Variants in RUBCNL observed in about 807,000 individuals in gnomAD.
The protein encoded by RUBCNL is rubicon like autophagy enhancer.
In RUBCNL, 62 loss-of-function variants were observed where a neutral mutation model predicts 69.5. The ratio of observed to expected loss-of-function variants is 0.89; its 90% CI spans 0.73 to 1.10. RUBCNL has a LOEUF of 1.10. RUBCNL is among the 50% of genes least tolerant of loss of function. The pLI, the probability that RUBCNL is intolerant of heterozygous loss-of-function variation, is 0.00. For missense variants in RUBCNL, 768 were observed against 798.1 expected, an observed-to-expected ratio of 0.96 and a Z score of 0.45; for synonymous variants, 291 against 303.6, an observed-to-expected ratio of 0.96 and a Z score of 0.43.
At chr13:46,346,390 G>T (rs1239947547) in intron 12 of RUBCNL, among the ~76,000 whole-genome samples, 1 of 151,274 alleles carries the variant, frequency 6.6e-6, no homozygotes, top group African/African-American at 2.4e-5. Flanking sequence ...TGGAATCCTT[G>T]CTTGCGGTCT....
chr13:46,381,249 T>A (rs2049110185), intron 1 of RUBCNL, among the ~76,000 whole-genome samples: 1 of 152,204 alleles, frequency 6.6e-6, no homozygotes, highest in Non-Finnish European at 1.5e-5. Context: ...CAAAGTGTGC[T>A]ATATCCGTAC....
At position 46,350,172 on chromosome 13, in the gene RUBCNL, T is replaced by C. The variant is rs2048339879; in HGVS notation, c.1510A>G (p.Asn504Asp). Residue 504 changes from asparagine (N) to aspartate (D), a missense_variant, in exon 11 of 15, where the codon AAT becomes GAT. Coordinates refer to ENST00000429979, the MANE Select transcript of RUBCNL (RefSeq NM_025113.5). ...AGGCTTTGGCCGATGCTCAGCAAATTGAAAATGGGCTGGTGCCATATGCTG... is the reference window on the plus strand; with the variant it reads ...AGGCTTTGGCCGATGCTCAGCAAATCGAAAATGGGCTGGTGCCATATGCTG... ...LDSIWHQPIF[N>D]LLSIGQSLYA... 1 of 1,588,318 alleles carries C rather than the reference T, an allele frequency of 6.3e-7. No homozygotes were observed. Among genetic ancestry groups the C allele is most frequent in the Non-Finnish European group, 8.6e-7 (1 of 1,166,810 alleles).
rs2048097259 is a variant in RUBCNL at position 46,335,254 on chromosome 13, GTTGTTGTTTT to G, written c.*8121_*8130del. Reference sequence around the variant, plus strand: ...TAATTTGTGTCTTTTTGTTGTTGTTGTTGTTGTTTTTTTTTTTTTTTTTTTTTTTTTAAGA... The same window carrying G: ...TAATTTGTGTCTTTTTGTTGTTGTTGTTTTTTTTTTTTTTTTTTTTTAAGA... On this transcript the variant is annotated 3_prime_UTR_variant, in exon 15 of 15. Coordinates refer to ENST00000429979, the MANE Select transcript of RUBCNL (RefSeq NM_025113.5). Among the ~76,000 whole-genome samples, 1 of 107,250 alleles carries G rather than the reference GTTGTTGTTTT, an allele frequency of 9.3e-6. No homozygotes were observed. Among genetic ancestry groups the G allele is most frequent in the Admixed American group, 9.5e-5 (1 of 10,558 alleles). The allele number at this position is 107,250 out of a possible 152,430, so 70.4% of individuals were successfully genotyped here.
At position 46,363,204 on chromosome 13, in the gene RUBCNL, A is replaced by T. The variant is rs780298416; in HGVS notation, c.836T>A (p.Val279Glu). 6.4e-7 allele frequency: 1 copy of T among 1,560,274 alleles called. No homozygotes were observed. The highest frequency in any genetic ancestry group is 8.7e-7 in the Non-Finnish European group (1 of 1,150,940). ...TTCAGTCACTGGGCTGACCTGTAAC[A>T]CAGCACAACCTAGACAAAGAAAGGA... is the stretch of plus-strand genomic sequence containing the variant. ...SSYSGYEGCA[V>E]LQVSPVTETR... The change falls in exon 6 of 15, where the codon GTG becomes GAG. Residue 279 changes from valine (V) to glutamate (E), a missense_variant. Transcript: ENST00000429979.
In RUBCNL at chr13:46,342,731, T is replaced by C. The variant is rs1011181831; in HGVS notation, c.*654A>G. The C allele has an allele frequency of 1.3e-5, 2 of 152,334 alleles. No homozygotes were observed. The highest frequency in any genetic ancestry group is 4.8e-5 in the African/African-American group (2 of 41,456). The allele number at this position is 152,334 out of a possible 1,614,324, so 9.4% of individuals were successfully genotyped here. On this transcript the variant is annotated 3_prime_UTR_variant, in exon 15 of 15. Transcript: ENST00000429979. The stretch of plus-strand genomic sequence containing the variant: ...ACAGAGATGACAAATACAGGTTCAA[T>C]TTGTGCCACCTGAAAGAGTGCCATC...
chr13:46,349,368 CG>C (rs2048319745), intron 11 of RUBCNL, 21 bp from the exon 12 acceptor site: 1 of 1,607,290 alleles, frequency 6.2e-7, no homozygotes, highest in Non-Finnish European at 8.5e-7. Flanking sequence ...AAACCAAACA[CG>C]GGGAAAAGTT....
intron 11 of RUBCNL, 25 bp downstream of exon 11, chr13:46,350,088 G>A (rs370894683): frequency 6.7e-7 from 1 of 1,497,518 alleles, no homozygotes; most frequent in African/African-American, 1.4e-5. Flanking sequence ...CCAATGAGAG[G>A]GATGGGGTTG....
At chr13:46,369,141 G>A (rs746791966) in intron 3 of RUBCNL, among the ~76,000 whole-genome samples, 54 of 152,160 alleles carry the variant, frequency 3.5e-4, no homozygotes, top group Middle Eastern at 3.2e-3. Flanking sequence ...AAAGTGAGAA[G>A]CCACAGTCCA....
At chr13:46,367,958 T>C (rs1285272773) in intron 5 of RUBCNL, 84 bp downstream of exon 5, 1 of 1,273,488 alleles carries the variant, frequency 7.9e-7, no homozygotes, top group Non-Finnish European at 1.1e-6. Flanking sequence ...TCTTGGAATA[T>C]ATGCCCCGTG....
chr13:46,350,056 C>T lies in RUBCNL; in HGVS notation c.1569+57G>A, dbSNP rs564604528. The T allele has an allele frequency of 2.2e-5, 28 of 1,299,514 alleles. No homozygotes were observed. The East Asian group carries it at 6.1e-4, about 28-fold the overall frequency. 80.5% of individuals were successfully genotyped at this position (1,299,514 alleles called of 1,614,324 possible). ...GGGTTCCCCAAGCTAGTGTGATGTG[C>T]ATTTCCTGCCACAGGACACTTCCAA... On this transcript the variant is annotated intron_variant, in intron 11 of 14. Coordinates refer to ENST00000429979, the MANE Select transcript of RUBCNL (RefSeq NM_025113.5).
At chr13:46,360,786 G>A (rs996140120) in intron 8 of RUBCNL, among the ~76,000 whole-genome samples, 1 of 152,190 alleles carries the variant, frequency 6.6e-6, no homozygotes, top group Non-Finnish European at 1.5e-5. Context: ...GTTCCATGAG[G>A]GAACCAACAT....
intron 1 of RUBCNL, among the ~76,000 whole-genome samples, chr13:46,386,539 T>C (rs1220575314): frequency 2.0e-5 from 3 of 150,642 alleles, no homozygotes; most frequent in Non-Finnish European, 3.0e-5. Flanking sequence ...GCAGGTGGAC[T>C]TCACAAGGGG....
Position 46,349,597 on chromosome 13 carries a change from A to G in RUBCNL, c.1570-250T>C, listed in dbSNP as rs543412721. 1.6e-4 allele frequency among the ~76,000 whole-genome samples: 25 copies of G among 152,242 alleles called. 2 individuals are homozygous for G. Among genetic ancestry groups the G allele is most frequent in the African/African-American group, 5.3e-4 (22 of 41,532 alleles). ...CTTTGGGGCCTTCTTCAAGAAAAAC[A>G]TAATACTAAGTATAAGATTCAGTGT... On this transcript the variant is annotated intron_variant, in intron 11 of 14. Transcript: ENST00000429979.
chr13:46,377,967 G>C lies in RUBCNL; in HGVS notation c.-200C>G. 6.3e-7 allele frequency: 1 copy of C among 1,596,038 alleles called. No homozygotes were observed. The highest frequency in any genetic ancestry group is 1.1e-5 in the South Asian group (1 of 87,490). Reference sequence around the variant, plus strand: ...ATTGGAAACCATCAAAGTCCATGCAGTAGTGACAGGAGGTCAATATCCCCA... The same window carrying C: ...ATTGGAAACCATCAAAGTCCATGCACTAGTGACAGGAGGTCAATATCCCCA... On this transcript the variant is annotated 5_prime_UTR_variant, in exon 2 of 15. An upstream open reading frame in the 5' UTR gains an earlier in-frame stop. Transcript: ENST00000429979.
At chr13:46,375,918 C>T (rs949170978) in intron 2 of RUBCNL, among the ~76,000 whole-genome samples, 2 of 152,182 alleles carry the variant, frequency 1.3e-5, no homozygotes, top group Non-Finnish European at 1.5e-5. Context: ...GCAAGACTAA[C>T]GCCTCTTTTT....
Position 46,372,319 on chromosome 13 carries a change from A to T in RUBCNL, c.157T>A (p.Trp53Arg). 2.5e-6 allele frequency: 4 copies of T among 1,614,028 alleles called. No individual in the cohort carries two copies. In the South Asian group the frequency reaches 4.4e-5, roughly 18 times the overall value. The change falls in exon 3 of 15, where the codon TGG becomes AGG. Residue 53 changes from tryptophan (W) to arginine (R), a missense_variant. By Grantham distance (101) the Trp-to-Arg change is moderately radical (BLOSUM62 -3). Coordinates refer to ENST00000429979, the MANE Select transcript of RUBCNL (RefSeq NM_025113.5). ...TGCTGCACATCCTGGGGGTTAATCC[A>T]GACAGCTTTGTGCCTCATGAGCCTG... ...DIRLMRHKAV[W>R]INPQDVQQQP...
chr13:46,354,093 G>T (rs1296107744), intron 10 of RUBCNL, among the ~76,000 whole-genome samples: 1 of 152,080 alleles, frequency 6.6e-6, no homozygotes, highest in Non-Finnish European at 1.5e-5. Flanking sequence ...ATAGAGAATT[G>T]TTTTTAATTT....
At chr13:46,388,979 G>C (rs572455998), upstream of RUBCNL, among the ~76,000 whole-genome samples, 7 of 152,284 alleles carry the variant, frequency 4.6e-5, no homozygotes, top group Admixed American at 4.6e-4. Context: ...AAGAACTCTG[G>C]ATATTTGGAA....
chr13:46,347,858 T>C (rs2048281719), intron 12 of RUBCNL, among the ~76,000 whole-genome samples: 2 of 152,088 alleles, frequency 1.3e-5, no homozygotes, highest in African/African-American at 4.8e-5. Flanking sequence ...CCGGATGTGG[T>C]TGCGGGCGCC....
Sources: gnomAD v4.1 joint callset for allele counts (sites outside exome capture counted in the v4.1 genomes callset) on GRCh38, gnomAD v4.1.1 for gene constraint, MANE v1.5 for transcripts, NCBI Gene and HGNC (gene_info 2026-07-23, HGNC 2026-07-21) for gene names.